Variants in SLC35F3 observed in about 807,000 individuals in gnomAD.
SLC35F3 encodes solute carrier family 35 member F3.
A neutral mutation model predicts 49.9 loss-of-function variants in SLC35F3; 25 were observed. The ratio of observed to expected loss-of-function variants is 0.50; its 90% CI spans 0.37 to 0.70. The LOEUF is 0.70. SLC35F3 is among the 30% of genes least tolerant of loss of function. SLC35F3 has a pLI of 0.00. For synonymous variants in SLC35F3, 275 were observed against 265.4 expected, an observed-to-expected ratio of 1.04 and a Z score of -0.35; for missense variants, 525 against 639.8, an observed-to-expected ratio of 0.82 and a Z score of 1.94.
intron 2 of SLC35F3, among the ~76,000 whole-genome samples, chr1:234,029,515 T>C (rs776966194): frequency 6.6e-6 from 1 of 152,184 alleles, no homozygotes; most frequent in Non-Finnish European, 1.5e-5. Context: ...AGAACCATGA[T>C]ACTGGCCTTC....
intron 2 of SLC35F3, among the ~76,000 whole-genome samples, chr1:234,012,028 G>C (rs1663728895): frequency 6.6e-6 from 1 of 152,160 alleles, no homozygotes; most frequent in Admixed American, 6.5e-5. Flanking sequence ...GAAGAATGCG[G>C]TAGGAGAGCA....
rs1663030316 is a variant in SLC35F3, at chr1:233,973,686, G to A, written c.283+67928G>A. On this transcript the variant is annotated intron_variant, in intron 2 of 7. Coordinates refer to ENST00000366618, the MANE Select transcript of SLC35F3 (RefSeq NM_173508.4). ...TCTCTTTGGCCACGTGGGTGGGGAA[G>A]CAAGGCAGACACTTCCACTGAGGTG... Among the ~76,000 whole-genome samples the A allele has an allele frequency of 2.0e-5, 3 of 152,214 alleles. No individual in the cohort carries two copies. The South Asian group carries it at 6.2e-4, about 32-fold the overall frequency.
intron 2 of SLC35F3, chr1:234,026,839 G>A (rs562839303): frequency 6.6e-6 from 1 of 152,336 alleles, no homozygotes; most frequent in Non-Finnish European, 1.5e-5. Flanking sequence ...TGAGTATGAA[G>A]GTGCCACCAT....
At position 234,108,395 on chromosome 1, in the gene SLC35F3, A is replaced by ATAT. The variant is rs1393819879; in HGVS notation, c.284-123020_284-123018dup. 0.049 allele frequency among the ~76,000 whole-genome samples: 5,189 copies of ATAT among 106,806 alleles called. 1,203 individuals are homozygous for ATAT. The East Asian group carries it at 0.7, about 14-fold the overall frequency. The allele number at this position is 106,806 out of a possible 152,430, so 70.1% of individuals were successfully genotyped here. A position where few individuals can be genotyped will look rare whatever the true frequency, so the allele number is the denominator to read the frequency against. On this transcript the variant is annotated intron_variant, in intron 2 of 7. Coordinates refer to ENST00000366618, the MANE Select transcript of SLC35F3 (RefSeq NM_173508.4). ...TATTATTTATATATATAAAAGATAT[A>ATAT]TATTTATATATATGATATATATTAT...
chr1:234,095,019 G>A (rs1239938366), intron 2 of SLC35F3, among the ~76,000 whole-genome samples: 4 of 152,092 alleles, frequency 2.6e-5, no homozygotes, highest in East Asian at 3.8e-4. Flanking sequence ...TCCACCCTCC[G>A]CTGGCAGGGG....
chr1:233,996,003 A>T (rs7541857), intron 2 of SLC35F3, among the ~76,000 whole-genome samples: 41,914 of 152,080 alleles, frequency 0.28, 6,024 homozygotes, highest in East Asian at 0.49. Flanking sequence ...TCAATTGAAC[A>T]AAATTGAATT....
chr1:234,175,042 A>G (rs1353421626), intron 2 of SLC35F3, among the ~76,000 whole-genome samples: 2 of 152,228 alleles, frequency 1.3e-5, no homozygotes, highest in African/African-American at 4.8e-5. Context: ...TTCCCATCCT[A>G]TATTTTTTAG....
intron 2 of SLC35F3, among the ~76,000 whole-genome samples, chr1:234,209,773 G>A (rs547300744): frequency 6.6e-6 from 1 of 152,042 alleles, no homozygotes; most frequent in Admixed American, 6.5e-5. Flanking sequence ...TCGGCAAGCA[G>A]AAGTTAACAG....
At chr1:234,186,991 C>T (rs1666652452) in intron 2 of SLC35F3, among the ~76,000 whole-genome samples, 1 of 152,144 alleles carries the variant, frequency 6.6e-6, no homozygotes, top group Non-Finnish European at 1.5e-5. Context: ...TTCCCCATCT[C>T]AGGTACTCTA....
intron 3 of SLC35F3, among the ~76,000 whole-genome samples, chr1:234,294,388 C>G (rs945325414): frequency 6.6e-6 from 1 of 152,170 alleles, no homozygotes; most frequent in Non-Finnish European, 1.5e-5. Context: ...TTCCACTTTA[C>G]CCAGCACATC....
intron 1 of SLC35F3, 35 bp from the exon 2 acceptor site, chr1:233,905,494 G>T: frequency 6.6e-7 from 1 of 1,505,506 alleles, no homozygotes. Flanking sequence ...TGCTCCCCCT[G>T]CCCACCCACC....
intron 2 of SLC35F3, among the ~76,000 whole-genome samples, chr1:233,952,544 C>A (rs1158220607): frequency 6.6e-6 from 1 of 152,170 alleles, no homozygotes; most frequent in Non-Finnish European, 1.5e-5. Context: ...CAGAGATAGG[C>A]TTCTTCCTCC....
intron 2 of SLC35F3, among the ~76,000 whole-genome samples, chr1:233,919,389 G>A (rs1314178534): frequency 6.6e-6 from 1 of 152,294 alleles, no homozygotes; most frequent in East Asian, 1.9e-4. Flanking sequence ...CTGTCCCTCA[G>A]ATATGCTCAT....
At chr1:233,922,311 C>G (rs1662076247) in intron 2 of SLC35F3, among the ~76,000 whole-genome samples, 3 of 152,002 alleles carry the variant, frequency 2.0e-5, no homozygotes, top group Admixed American at 2.0e-4. Context: ...CTGTTGTTTC[C>G]TGACTTTTTA....
intron 2 of SLC35F3, among the ~76,000 whole-genome samples, chr1:234,021,172 C>T (rs548424599): frequency 1.2e-3 from 177 of 150,906 alleles, no homozygotes; most frequent in African/African-American, 4.2e-3. Flanking sequence ...AGACATTGCC[C>T]CGCCCCCAGC....
Position 234,027,624 on chromosome 1 carries a change from A to G in SLC35F3, c.283+121866A>G, listed in dbSNP as rs1045716913. Among the ~76,000 whole-genome samples the G allele has an allele frequency of 6.6e-6, 1 of 152,232 alleles. No homozygotes were observed. The highest frequency in any genetic ancestry group is 1.5e-5 in the Non-Finnish European group (1 of 68,044). ...GGCCTAAACTAAGCTGGTCACAGATAGTAGAAAGAAAGGGACAGATGTGAA... is the reference window on the plus strand; with the variant it reads ...GGCCTAAACTAAGCTGGTCACAGATGGTAGAAAGAAAGGGACAGATGTGAA... On this transcript the variant is annotated intron_variant, in intron 2 of 7. Coordinates refer to ENST00000366618, the MANE Select transcript of SLC35F3 (RefSeq NM_173508.4). The surrounding 1 kb of genome is among the most constrained non-coding windows in gnomAD (Gnocchi z 4.1).
intron 2 of SLC35F3, among the ~76,000 whole-genome samples, chr1:233,952,108 G>T (rs573358193): frequency 6.6e-6 from 1 of 151,164 alleles, no homozygotes; most frequent in Non-Finnish European, 1.5e-5. Flanking sequence ...TCTTCCTTCT[G>T]TTCTTACAAT....
At chr1:234,005,155 T>C (rs2000357) in intron 2 of SLC35F3, among the ~76,000 whole-genome samples, 10,103 of 152,154 alleles carry the variant, frequency 0.066, 581 homozygotes, top group East Asian at 0.26. Flanking sequence ...GTCAACCACT[T>C]CAGTCTCCTG....
intron 2 of SLC35F3, among the ~76,000 whole-genome samples, chr1:234,140,693 A>G (rs898255284): frequency 2.0e-5 from 3 of 152,196 alleles, no homozygotes; most frequent in African/African-American, 7.2e-5. Context: ...AAAATTCGGC[A>G]ATGGAAACTA....
Sources: gnomAD v4.1 joint callset for allele counts (sites outside exome capture counted in the v4.1 genomes callset) on GRCh38, gnomAD v4.1.1 for gene constraint, Gnocchi (gnomAD v3.1) non-coding constraint, MANE v1.5 for transcripts, NCBI Gene and HGNC (gene_info 2026-07-23, HGNC 2026-07-21) for gene names.